The following GRIN2A variants were observed in gnomAD, a reference collection of about 807,000 sequenced individuals.
GRIN2A encodes the protein glutamate ionotropic receptor NMDA type subunit 2A, also known as glutamate receptor ionotropic, NMDA 2A.
GRIN2A carries 22 observed loss-of-function variants against 113.4 expected under a neutral mutation model. The observed-to-expected ratio is 0.19, with a 90% CI of 0.14 to 0.28. GRIN2A has a LOEUF of 0.28. Ranked by LOEUF, GRIN2A falls within the 10% of genes least tolerant of loss-of-function variation. The pLI is 1.00. For synonymous variants in GRIN2A, 827 were observed against 738.4 expected, an observed-to-expected ratio of 1.12 and a Z score of -1.94; for missense variants, 1,502 against 1,887.0, an observed-to-expected ratio of 0.80 and a Z score of 3.78.
chr16:9,838,621 A>G (rs2042622014), intron 7 of GRIN2A, among the ~76,000 whole-genome samples: 1 of 152,144 alleles, frequency 6.6e-6, no homozygotes, highest in South Asian at 2.1e-4. Flanking sequence ...TTATGGGCTG[A>G]TTTAAATTAA....
intron 2 of GRIN2A, among the ~76,000 whole-genome samples, chr16:10,030,605 C>G (rs2046910412): frequency 6.6e-6 from 1 of 152,192 alleles, no homozygotes; most frequent in Non-Finnish European, 1.5e-5. Context: ...TTGATGTTTT[C>G]TACTGCATTC....
chr16:9,928,409 T>G (rs1322162591), intron 3 of GRIN2A, among the ~76,000 whole-genome samples: 1 of 152,194 alleles, frequency 6.6e-6, no homozygotes, highest in Non-Finnish European at 1.5e-5. Flanking sequence ...CACCTGCCCC[T>G]TTATACTTTG....
intron 2 of GRIN2A, among the ~76,000 whole-genome samples, chr16:10,048,246 T>G (rs1451516502): frequency 6.6e-6 from 1 of 152,230 alleles, no homozygotes; most frequent in Non-Finnish European, 1.5e-5. Context: ...GAGTTAATAT[T>G]TGTCTAATAC....
chr16:10,106,474 A>G (rs887433151), intron 2 of GRIN2A, among the ~76,000 whole-genome samples: 1 of 152,134 alleles, frequency 6.6e-6, no homozygotes, highest in African/African-American at 2.4e-5. Context: ...CCACCACTCT[A>G]GTACAACCAA....
At chr16:10,178,177 T>G (rs755961148) in intron 2 of GRIN2A, among the ~76,000 whole-genome samples, 7 of 152,198 alleles carry the variant, frequency 4.6e-5, no homozygotes, top group Non-Finnish European at 1.0e-4. Flanking sequence ...GGCTGGAAAC[T>G]GGCTGTTCTT....
At chr16:10,098,140 G>C (rs1484637754) in intron 2 of GRIN2A, among the ~76,000 whole-genome samples, 1 of 152,074 alleles carries the variant, frequency 6.6e-6, no homozygotes, top group Non-Finnish European at 1.5e-5. Flanking sequence ...ACAAAAGTGG[G>C]CTAAGGGCAT....
intron 2 of GRIN2A, among the ~76,000 whole-genome samples, chr16:10,028,259 TCA>T (rs890870858): frequency 3.3e-5 from 5 of 152,200 alleles, no homozygotes; most frequent in Admixed American, 6.5e-5. Flanking sequence ...CCCCCAAGTT[TCA>T]CAGTCAGTAA....
chr16:9,813,586 C>T (rs957042088), intron 10 of GRIN2A, among the ~76,000 whole-genome samples: 7 of 149,730 alleles, frequency 4.7e-5, no homozygotes, highest in African/African-American at 1.7e-4. Flanking sequence ...TCCTGCCCCC[C>T]ACAGACATTT....
rs574597390 is a variant in GRIN2A, at chr16:9,832,133, T to G, written c.1777+1972A>C. ...TTATTTATTTATTTATTTATTTATT[T>G]ATTGTAGAGATGAGGTCTTGCTATG... On this transcript the variant is annotated intron_variant, in intron 8 of 12. Transcript: ENST00000330684. Among the ~76,000 whole-genome samples the G allele has an allele frequency of 1.2e-4, 17 of 139,244 alleles. No homozygotes were observed. In the South Asian group the frequency reaches 3.3e-3, roughly 27 times the overall value. 91.3% of individuals were successfully genotyped at this position (139,244 alleles called of 152,430 possible).
intron 2 of GRIN2A, among the ~76,000 whole-genome samples, chr16:10,047,547 A>G (rs993508334): frequency 6.6e-6 from 1 of 152,206 alleles, no homozygotes; most frequent in Admixed American, 6.5e-5. Context: ...GAACTTACAG[A>G]CTTGAGTCCC....
chr16:9,934,440 G>A (rs1166836007), intron 3 of GRIN2A, among the ~76,000 whole-genome samples: 2 of 152,054 alleles, frequency 1.3e-5, no homozygotes, highest in Admixed American at 6.5e-5. Flanking sequence ...CAGCACTTTG[G>A]GAGGCCAAGG....
chr16:10,120,018 A>G (rs2048804707), intron 2 of GRIN2A, among the ~76,000 whole-genome samples: 1 of 152,142 alleles, frequency 6.6e-6, no homozygotes, highest in South Asian at 2.1e-4. Context: ...TGTATTTGCT[A>G]TTGTGAATAG....
At chr16:9,991,082 A>G (rs1450063051) in intron 2 of GRIN2A, among the ~76,000 whole-genome samples, 1 of 152,240 alleles carries the variant, frequency 6.6e-6, no homozygotes, top group Non-Finnish European at 1.5e-5. Context: ...AAGAAAAAAA[A>G]AGAAATAACT....
intron 2 of GRIN2A, among the ~76,000 whole-genome samples, chr16:10,093,054 G>A (rs1350681425): frequency 1.3e-5 from 2 of 152,004 alleles, no homozygotes; most frequent in East Asian, 1.9e-4. Flanking sequence ...TGGCCAGGCT[G>A]GCCTCAAACT....
intron 3 of GRIN2A, among the ~76,000 whole-genome samples, chr16:9,895,678 G>A (rs917412808): frequency 7.2e-5 from 11 of 152,272 alleles, no homozygotes; most frequent in Non-Finnish European, 1.2e-4. Flanking sequence ...AAAAACTACC[G>A]ACAAAGACCA....
intron 2 of GRIN2A, among the ~76,000 whole-genome samples, chr16:10,081,417 A>C (rs192685953): frequency 3.9e-5 from 6 of 152,334 alleles, no homozygotes; most frequent in Admixed American, 3.9e-4. Flanking sequence ...CTTAATTAAA[A>C]ACCACATTCA....
chr16:10,007,601 C>T (rs769018482), intron 2 of GRIN2A, among the ~76,000 whole-genome samples: 8 of 152,128 alleles, frequency 5.3e-5, no homozygotes, highest in East Asian at 3.9e-4. Flanking sequence ...CTTTCTTGAC[C>T]GTTTGCTGTG....
chr16:9,810,903 G>A (rs1347346301), intron 10 of GRIN2A, among the ~76,000 whole-genome samples: 1 of 152,206 alleles, frequency 6.6e-6, no homozygotes, highest in African/African-American at 2.4e-5. Context: ...CTTTGGGAGA[G>A]GCAGCTGTCT....
At chr16:9,994,468 A>T (rs1333963918) in intron 2 of GRIN2A, among the ~76,000 whole-genome samples, 8 of 152,200 alleles carry the variant, frequency 5.3e-5, no homozygotes, top group Admixed American at 5.2e-4. Flanking sequence ...GGAGGAAAGC[A>T]TTCTCTTCAC....
Sources: allele counts gnomAD v4.1 joint callset (sites outside exome capture counted in the v4.1 genomes callset), GRCh38; gene constraint gnomAD v4.1.1; transcripts MANE v1.5; gene names NCBI Gene and HGNC (gene_info 2026-07-23, HGNC 2026-07-21).